Variants in N4BP2 observed in about 807,000 individuals in gnomAD.
N4BP2 encodes the protein NEDD4-binding protein 2.
A neutral mutation model predicts 152.8 loss-of-function variants in N4BP2; 91 were observed. The ratio of observed to expected loss-of-function variants is 0.60; its 90% CI spans 0.50 to 0.71. The LOEUF (loss-of-function observed/expected upper bound fraction) is 0.71. Ranked by LOEUF, N4BP2 falls within the 30% of genes least tolerant of loss-of-function variation. N4BP2 has a pLI of 0.00. For missense variants in N4BP2, 1,923 were observed against 2,059.1 expected (o/e 0.93, Z 1.28); for synonymous variants, 646 against 705.3 (o/e 0.92, Z 1.33).
Position 40,097,532 on chromosome 4 carries a change from T to G in N4BP2, c.192T>G (p.Asp64Glu). 6.2e-7 allele frequency: 1 copy of G among 1,613,636 alleles called. No individual in the cohort carries two copies. The highest frequency in any genetic ancestry group is 8.5e-7 in the Non-Finnish European group (1 of 1,179,566). Reference sequence around the variant, plus strand: ...AGATATTTTCTGATCTGGATCCTGATGTAGTGTATTTGATGCTTTCTGAAT... The same window carrying G: ...AGATATTTTCTGATCTGGATCCTGAGGTAGTGTATTTGATGCTTTCTGAAT... ...ISEIFSDLDP[D>E]VVYLMLSECD... The change falls in exon 3 of 18, where the codon GAT becomes GAG. Residue 64 changes from aspartate to glutamate, a missense_variant. By Grantham distance (45) the Asp-to-Glu change is conservative (BLOSUM62 2). Transcript: ENST00000261435.
chr4:40,141,680 G>A (rs971590863), intron 14 of N4BP2, among the ~76,000 whole-genome samples: 15 of 152,250 alleles, frequency 9.9e-5, no homozygotes, highest in East Asian at 3.9e-4. Flanking sequence ...CTTCCCAGAC[G>A]GGGTGGCGGC....
chr4:40,133,222 A>G lies in N4BP2; in HGVS notation c.4646+1303A>G, dbSNP rs1719053754. On this transcript the variant is annotated intron_variant, in intron 13 of 17. Transcript: ENST00000261435. Reference sequence around the variant, plus strand: ...GTTTATTTCCTTTCAGTCTTTAATAACATACATTTAAGGTATGAATTTTTC... The same window carrying G: ...GTTTATTTCCTTTCAGTCTTTAATAGCATACATTTAAGGTATGAATTTTTC... Among the ~76,000 whole-genome samples, 2 of 152,038 alleles carry G rather than the reference A, an allele frequency of 1.3e-5. 1 individual carries two copies. Among genetic ancestry groups the G allele is most frequent in the Admixed American group, 1.3e-4 (2 of 15,266 alleles).
chr4:40,147,477 C>T (rs1720662112), intron 16 of N4BP2, among the ~76,000 whole-genome samples: 1 of 151,900 alleles, frequency 6.6e-6, no homozygotes, highest in Non-Finnish European at 1.5e-5. Flanking sequence ...CCTCACTTCC[C>T]AGAAGGGGCG....
chr4:40,136,619 C>T (rs1324273342), intron 13 of N4BP2, among the ~76,000 whole-genome samples: 1 of 152,214 alleles, frequency 6.6e-6, no homozygotes, highest in Non-Finnish European at 1.5e-5. Flanking sequence ...AACTCCTGAC[C>T]TCAAGTGATC....
Position 40,121,814 on chromosome 4 carries a change from C to A in N4BP2, c.3703C>A (p.Leu1235Ile), listed in dbSNP as rs778680680. Residue 1235 changes from leucine (L) to isoleucine (I), a missense_variant, in exon 9 of 18, where the codon CTT becomes ATT. Transcript: ENST00000261435. ...GGGTCTAAAGAATAATAATGACATACTTCCTAACAGCCAGGAAGAACTTTT... is the reference window on the plus strand; with the variant it reads ...GGGTCTAAAGAATAATAATGACATAATTCCTAACAGCCAGGAAGAACTTTT... ...AVGLKNNNDILPNSQEELLYS... is the reference protein window; with the variant it reads ...AVGLKNNNDIIPNSQEELLYS... The A allele has an allele frequency of 6.2e-7, 1 of 1,614,054 alleles. No individual in the cohort carries two copies. The highest frequency in any genetic ancestry group is 1.1e-5 in the South Asian group (1 of 91,080).
Position 40,120,403 on chromosome 4 carries a change from A to C in N4BP2, c.2292A>C (p.Lys764Asn). Residue 764 changes from lysine (K) to asparagine (N), a missense_variant, in exon 9 of 18, where the codon AAA becomes AAC. Physicochemically the swap from Lys to Asn is moderately conservative, Grantham distance 94. Coordinates refer to ENST00000261435, the MANE Select transcript of N4BP2 (RefSeq NM_018177.6). ...TGGAAGAAAGAGCAACAGTAACGAA[A>C]AAAGCCTTTGGGAAACAAAAAAGCA... ...EIVEERATVT[K>N]KAFGKQKSKS... 6.2e-7 allele frequency: 1 copy of C among 1,613,940 alleles called. No homozygotes were observed.
intron 2 of N4BP2, among the ~76,000 whole-genome samples, chr4:40,073,754 C>T (rs1269803738): frequency 6.6e-6 from 1 of 151,996 alleles, no homozygotes; most frequent in East Asian, 1.9e-4. Context: ...CCACCACACC[C>T]AGCTAATTTT....
downstream of N4BP2, among the ~76,000 whole-genome samples, chr4:40,159,403 C>T (rs940325374): frequency 6.6e-6 from 1 of 152,158 alleles, no homozygotes; most frequent in African/African-American, 2.4e-5. Context: ...ATAAAAATTC[C>T]AGGACTGCTT....
chr4:40,141,408 G>A lies in N4BP2; in HGVS notation c.4786-1265G>A, dbSNP rs1424264713. ...CAGAGACGCTCCTCACCTCCCAGACGGGGTCGCGGCCGGGTAGAGGCGCTC... is the reference window on the plus strand; with the variant it reads ...CAGAGACGCTCCTCACCTCCCAGACAGGGTCGCGGCCGGGTAGAGGCGCTC... On this transcript the variant is annotated intron_variant, in intron 14 of 17. Coordinates refer to ENST00000261435, the MANE Select transcript of N4BP2 (RefSeq NM_018177.6). 4.0e-5 allele frequency among the ~76,000 whole-genome samples: 6 copies of A among 151,862 alleles called. No individual in the cohort carries two copies. The East Asian group carries it at 9.8e-4, about 25-fold the overall frequency.
intron 12 of N4BP2, among the ~76,000 whole-genome samples, chr4:40,128,414 T>C (rs1463341720): frequency 6.6e-6 from 1 of 152,234 alleles, no homozygotes; most frequent in Non-Finnish European, 1.5e-5. Flanking sequence ...TTCCCATCTT[T>C]GTATCCTAAC....
the N4BP2 span, among the ~76,000 whole-genome samples, chr4:40,171,553 G>C: frequency 6.6e-6 from 1 of 152,148 alleles, no homozygotes; most frequent in African/African-American, 2.4e-5. Context: ...CTAACCCCCA[G>C]TACTCCTGAA....
chr4:40,163,152 T>C (rs1158296686), downstream of N4BP2, among the ~76,000 whole-genome samples: 6 of 152,258 alleles, frequency 3.9e-5, no homozygotes, highest in Non-Finnish European at 1.5e-5. Flanking sequence ...GAATTAGCTC[T>C]ACCTTTTGAA....
chr4:40,139,554 C>T (rs1310786730), intron 14 of N4BP2, among the ~76,000 whole-genome samples: 5 of 142,456 alleles, frequency 3.5e-5, no homozygotes, highest in East Asian at 2.1e-4. Context: ...TGCAGTGGCG[C>T]GATCTCGGCT....
chr4:40,086,422 C>T (rs983517069), intron 2 of N4BP2, among the ~76,000 whole-genome samples: 3 of 151,938 alleles, frequency 2.0e-5, no homozygotes, highest in African/African-American at 7.2e-5. Flanking sequence ...ACTGCAACCT[C>T]CTCCTCCTGG....
Position 40,102,134 on chromosome 4 carries a change from T to A in N4BP2, c.289T>A (p.Ser97Thr). ...LSATDTKIEE[S>T]SSQSFVASEN... ...TGCCACTGATACCAAGATAGAAGAA[T>A]CATCTTCACAAAGTTTCGTTGCTTC... is the stretch of plus-strand genomic sequence containing the variant. Residue 97 changes from serine (S) to threonine (T), a missense_variant, in exon 4 of 18, where the codon TCA becomes ACA. Coordinates refer to ENST00000261435, the MANE Select transcript of N4BP2 (RefSeq NM_018177.6). The A allele has an allele frequency of 1.2e-6, 2 of 1,613,018 alleles. No homozygotes were observed. The highest frequency in any genetic ancestry group is 8.5e-7 in the Non-Finnish European group (1 of 1,179,444).
Position 40,121,093 on chromosome 4 carries a change from G to A in N4BP2, c.2982G>A (p.Thr994=), listed in dbSNP as rs149881641. 1.9e-5 allele frequency: 30 copies of A among 1,614,070 alleles called. No individual in the cohort carries two copies. The highest frequency in any genetic ancestry group is 2.4e-5 in the Non-Finnish European group (28 of 1,180,016). ...PTVSGVVEPQ[T]LAECQEQMPK... ...TTTCTGGAGTAGTAGAACCACAAAC[G>A]TTAGCTGAATGTCAAGAGCAAATGC... The change falls in exon 9 of 18, where the codon ACG becomes ACA. Residue 994 remains threonine, a synonymous_variant. Coordinates refer to ENST00000261435, the MANE Select transcript of N4BP2 (RefSeq NM_018177.6).
At chr4:40,135,635 T>A (rs183865095) in intron 13 of N4BP2, among the ~76,000 whole-genome samples, 218 of 152,296 alleles carry the variant, frequency 1.4e-3, no homozygotes, top group African/African-American at 4.4e-3. Context: ...CCATCTCGGC[T>A]CACTGCAACC....
chr4:40,183,582 C>T, the N4BP2 span, among the ~76,000 whole-genome samples: 1 of 152,176 alleles, frequency 6.6e-6, no homozygotes, highest in African/African-American at 2.4e-5. Context: ...GTGATCCGCC[C>T]GCCTCGGCCT....
At chr4:40,095,844 G>GT (rs985271561) in intron 2 of N4BP2, among the ~76,000 whole-genome samples, 3 of 152,130 alleles carry the variant, frequency 2.0e-5, no homozygotes, top group Non-Finnish European at 4.4e-5. Context: ...AAGAACTTTA[G>GT]TTTTTTCTCT....
Sources: gnomAD v4.1 joint callset for allele counts (sites outside exome capture counted in the v4.1 genomes callset) on GRCh38, gnomAD v4.1.1 for gene constraint, MANE v1.5 for transcripts, NCBI Gene and HGNC (gene_info 2026-07-23, HGNC 2026-07-21) for gene names.